Variants in NUMB observed in about 807,000 individuals in gnomAD.
The protein encoded by NUMB is NUMB endocytic adaptor protein.
In NUMB, 29 loss-of-function variants were observed where a neutral mutation model predicts 59.7. The observed-to-expected ratio is 0.49, with a 90% CI of 0.36 to 0.66. The LOEUF (loss-of-function observed/expected upper bound fraction) is 0.66. NUMB is among the 30% of genes least tolerant of loss of function. The pLI is 0.00. For missense variants in NUMB, 723 were observed against 822.0 expected, an observed-to-expected ratio of 0.88 and a Z score of 1.47; for synonymous variants, 288 against 288.2, an observed-to-expected ratio of 1.00 and a Z score of 0.01.
chr14:73,280,395 G>GTT (rs35066653), intron 11 of NUMB, among the ~76,000 whole-genome samples: 49 of 143,882 alleles, frequency 3.4e-4, no homozygotes, highest in African/African-American at 5.8e-4. Flanking sequence ...TTTTTTGAAG[G>GTT]TTTTTTTTTT....
chr14:73,454,349 A>G (rs1434879430), intron 1 of NUMB, among the ~76,000 whole-genome samples: 3 of 152,136 alleles, frequency 2.0e-5, no homozygotes, highest in Admixed American at 2.0e-4. Context: ...CTTTTCAAGT[A>G]CTCTATTATA....
intron 6 of NUMB, among the ~76,000 whole-genome samples, chr14:73,302,405 CTTTTT>C (rs71112726): frequency 5.2e-5 from 6 of 115,054 alleles, no homozygotes; most frequent in Admixed American, 9.4e-5. Context: ...TTCCACATTT[CTTTTT>C]TTTTTTTTTT....
intron 1 of NUMB, among the ~76,000 whole-genome samples, chr14:73,435,408 G>C (rs1291440246): frequency 6.6e-6 from 1 of 151,426 alleles, no homozygotes; most frequent in Non-Finnish European, 1.5e-5. Context: ...TGAGTAGCTG[G>C]GACTACAGGC....
At chr14:73,310,276 C>T (rs1438345453) in intron 6 of NUMB, among the ~76,000 whole-genome samples, 1 of 152,178 alleles carries the variant, frequency 6.6e-6, no homozygotes, top group Non-Finnish European at 1.5e-5. Context: ...TGTTGCCACA[C>T]AGAAAGCATA....
chr14:73,307,728 C>CTTTTT (rs34429117), intron 6 of NUMB, among the ~76,000 whole-genome samples: 27 of 95,504 alleles, frequency 2.8e-4, no homozygotes, highest in South Asian at 4.1e-4. Flanking sequence ...GGGCCTCTGT[C>CTTTTT]TTTTTTTTTT....
At chr14:73,334,678 G>A (rs971329834) in intron 4 of NUMB, among the ~76,000 whole-genome samples, 1 of 152,132 alleles carries the variant, frequency 6.6e-6, no homozygotes, top group South Asian at 2.1e-4. Context: ...GCTGGGTGCG[G>A]TGGCTCACAA....
At chr14:73,391,354 C>G (rs2140099153) in intron 2 of NUMB, among the ~76,000 whole-genome samples, 1 of 148,680 alleles carries the variant, frequency 6.7e-6, no homozygotes, top group Admixed American at 6.7e-5. Context: ...AATAATCTTG[C>G]AAAAATTTAA....
chr14:73,380,094 C>T (rs151140022), intron 2 of NUMB, among the ~76,000 whole-genome samples: 1,805 of 152,212 alleles, frequency 0.012, 24 homozygotes, highest in Non-Finnish European at 0.017. Context: ...GGGAGATGGT[C>T]CACTTCCTGT....
chr14:73,378,297 T>C (rs1895067962), intron 2 of NUMB, among the ~76,000 whole-genome samples: 1 of 152,230 alleles, frequency 6.6e-6, no homozygotes, highest in African/African-American at 2.4e-5. Flanking sequence ...TCATTCATTG[T>C]TGATGGGAAT....
At chr14:73,453,938 T>C (rs1224521029) in intron 1 of NUMB, among the ~76,000 whole-genome samples, 1 of 152,170 alleles carries the variant, frequency 6.6e-6, no homozygotes, top group Non-Finnish European at 1.5e-5. Flanking sequence ...CACTAAAGGA[T>C]GCACTATAAT....
Position 73,449,631 on chromosome 14 carries a change from A to G in NUMB, c.-233+8862T>C, listed in dbSNP as rs985371226. On this transcript the variant is annotated intron_variant, in intron 1 of 12. Coordinates refer to ENST00000555238, the MANE Select transcript of NUMB (RefSeq NM_001005743.2). Reference sequence around the variant, plus strand: ...CATTTACCCCATGTTTCAGTCTAATACACCAAAATAAACCAACCACAAAAA... The same window carrying G: ...CATTTACCCCATGTTTCAGTCTAATGCACCAAAATAAACCAACCACAAAAA... Among the ~76,000 whole-genome samples the G allele has an allele frequency of 2.0e-5, 3 of 152,210 alleles. No individual in the cohort carries two copies. The East Asian group carries it at 5.8e-4, about 29-fold the overall frequency.
At chr14:73,369,881 C>T (rs1001257242) in intron 2 of NUMB, among the ~76,000 whole-genome samples, 3 of 152,192 alleles carry the variant, frequency 2.0e-5, no homozygotes, top group Non-Finnish European at 2.9e-5. Context: ...TGCTTCCAGT[C>T]ACTTCCTGTT....
At chr14:73,412,860 C>G (rs1472321501) in intron 1 of NUMB, among the ~76,000 whole-genome samples, 6 of 151,878 alleles carry the variant, frequency 4.0e-5, no homozygotes, top group Admixed American at 2.0e-4. Context: ...AAACTCCAGG[C>G]CTCAAGTGTC....
chr14:73,360,725 AC>A (rs948066289), intron 3 of NUMB, among the ~76,000 whole-genome samples: 29 of 152,104 alleles, frequency 1.9e-4, no homozygotes. Flanking sequence ...CTTCAACAGT[AC>A]ATTGGTCTCC....
chr14:73,310,613 T>C (rs1397751277), intron 6 of NUMB, among the ~76,000 whole-genome samples: 1 of 152,226 alleles, frequency 6.6e-6, no homozygotes, highest in Non-Finnish European at 1.5e-5. Context: ...GGCACTGCCA[T>C]TTAGTATTAG....
At chr14:73,350,070 T>TACACAC (rs765736029) in intron 4 of NUMB, among the ~76,000 whole-genome samples, 1,273 of 110,194 alleles carry the variant, frequency 0.012, 8 homozygotes, top group Middle Eastern at 0.045. Context: ...TATACATACA[T>TACACAC]ACATACATAC....
At chr14:73,293,743 T>C (rs1239171165) in intron 7 of NUMB, among the ~76,000 whole-genome samples, 1 of 152,252 alleles carries the variant, frequency 6.6e-6, no homozygotes, top group Non-Finnish European at 1.5e-5. Context: ...TATCTCTTCA[T>C]TCAACATGAA....
intron 2 of NUMB, among the ~76,000 whole-genome samples, chr14:73,367,620 T>C (rs1014796095): frequency 6.6e-6 from 1 of 151,340 alleles, no homozygotes; most frequent in African/African-American, 2.4e-5. Flanking sequence ...CAAAAAACTT[T>C]AAAAATTAGC....
chr14:73,353,599 C>CACTT (rs377199955), intron 4 of NUMB, among the ~76,000 whole-genome samples: 5 of 133,340 alleles, frequency 3.7e-5, no homozygotes, highest in African/African-American at 5.8e-5. Context: ...GTAATCCCAG[C>CACTT]TACTCGGGAG....
Sources: allele counts gnomAD v4.1 joint callset (sites outside exome capture counted in the v4.1 genomes callset), GRCh38; gene constraint gnomAD v4.1.1; transcripts MANE v1.5; gene names NCBI Gene and HGNC (gene_info 2026-07-23, HGNC 2026-07-21).